The following LSAMP variants were observed in gnomAD, a reference collection of about 807,000 sequenced individuals.
The protein encoded by LSAMP is limbic system associated membrane protein.
In LSAMP, 7 loss-of-function variants were observed where a neutral mutation model predicts 38.6. The ratio of observed to expected loss-of-function variants is 0.18; its 90% CI spans 0.10 to 0.34. The LOEUF (loss-of-function observed/expected upper bound fraction) is 0.34, where lower values mean the gene tolerates loss of function less well. Ranked by LOEUF, LSAMP falls within the 10% of genes least tolerant of loss-of-function variation. LSAMP has a pLI of 1.00. For missense variants in LSAMP, 313 were observed against 420.0 expected (o/e 0.75, Z 2.23); for synonymous variants, 154 against 166.8 (o/e 0.92, Z 0.59).
chr3:115,966,903 G>C (rs1045799716), intron 3 of LSAMP, among the ~76,000 whole-genome samples: 3 of 152,140 alleles, frequency 2.0e-5, no homozygotes, highest in Non-Finnish European at 4.4e-5. Context: ...TTGAAATTCT[G>C]TTTATGCCCC....
chr3:115,963,525 T>C (rs1164896823), intron 3 of LSAMP, among the ~76,000 whole-genome samples: 1 of 152,182 alleles, frequency 6.6e-6, no homozygotes, highest in African/African-American at 2.4e-5. Context: ...ACCCATGTGC[T>C]TGAATGAGGG....
chr3:115,977,624 C>G (rs1267003963), intron 3 of LSAMP, among the ~76,000 whole-genome samples: 1 of 151,970 alleles, frequency 6.6e-6, no homozygotes, highest in African/African-American at 2.4e-5. Flanking sequence ...ATCTAAATGA[C>G]TCCTTCTTAC....
At chr3:116,180,945 T>C (rs1309821103) in intron 1 of LSAMP, among the ~76,000 whole-genome samples, 1 of 152,062 alleles carries the variant, frequency 6.6e-6, no homozygotes, top group African/African-American at 2.4e-5. Context: ...AGAGAGCTGC[T>C]GAAATAACAG....
chr3:116,332,962 C>T (rs2047870088), intron 1 of LSAMP, among the ~76,000 whole-genome samples: 1 of 151,768 alleles, frequency 6.6e-6, no homozygotes, highest in Non-Finnish European at 1.5e-5. Flanking sequence ...AAACATATAA[C>T]TAATATTAAA....
At chr3:116,160,169 G>T (rs772449868) in intron 1 of LSAMP, among the ~76,000 whole-genome samples, 2 of 152,146 alleles carry the variant, frequency 1.3e-5, no homozygotes, top group Non-Finnish European at 2.9e-5. Context: ...GGAGGCCAAG[G>T]CAGGTGGATC....
chr3:116,340,605 T>C (rs1265608147), intron 1 of LSAMP, among the ~76,000 whole-genome samples: 1 of 151,980 alleles, frequency 6.6e-6, no homozygotes, highest in Non-Finnish European at 1.5e-5. Context: ...TAAAATAATC[T>C]CCAGACATGC....
intron 3 of LSAMP, among the ~76,000 whole-genome samples, chr3:115,979,110 G>C (rs1364477354): frequency 4.6e-5 from 7 of 152,050 alleles, no homozygotes; most frequent in African/African-American, 1.7e-4. Flanking sequence ...TCTAAGGGTT[G>C]AAGACGTGGA....
At chr3:115,913,823 C>T (rs1258999907) in intron 3 of LSAMP, among the ~76,000 whole-genome samples, 2 of 152,006 alleles carry the variant, frequency 1.3e-5, no homozygotes, top group Non-Finnish European at 2.9e-5. Context: ...GTCCCAAGTG[C>T]CTACCATGAT....
intron 3 of LSAMP, among the ~76,000 whole-genome samples, chr3:116,001,344 A>T (rs9989995): frequency 0.011 from 1,687 of 152,284 alleles, 32 homozygotes; most frequent in African/African-American, 0.037. Context: ...ATACACCATT[A>T]TGCCAAAAAA....
intron 1 of LSAMP, among the ~76,000 whole-genome samples, chr3:116,236,324 A>G (rs1476077606): frequency 6.6e-6 from 1 of 152,186 alleles, no homozygotes; most frequent in African/African-American, 2.4e-5. Flanking sequence ...AAGATTAGGC[A>G]AATGATTCAT....
At chr3:116,335,971 C>G (rs1212721092) in intron 1 of LSAMP, among the ~76,000 whole-genome samples, 1 of 151,878 alleles carries the variant, frequency 6.6e-6, no homozygotes, top group South Asian at 2.1e-4. Context: ...TGTATATGGT[C>G]AAATAATTTT....
intron 1 of LSAMP, among the ~76,000 whole-genome samples, chr3:116,373,958 C>T (rs1249235595): frequency 2.6e-5 from 4 of 151,878 alleles, no homozygotes; most frequent in African/African-American, 9.7e-5. Flanking sequence ...CTGCAAACCT[C>T]TTAAGAATCC....
In LSAMP at chr3:116,000,478, C is replaced by T. The variant is rs546697939; in HGVS notation, c.514+19037G>A. On this transcript the variant is annotated intron_variant, in intron 3 of 6. Coordinates refer to ENST00000490035, the MANE Select transcript of LSAMP (RefSeq NM_002338.5). ...CCTCCTCAAACGCGGATGGCCACCT[C>T]ACTGTGTGTTTGAGTGATCAACCAA... is the stretch of plus-strand genomic sequence containing the variant. Among the ~76,000 whole-genome samples the T allele has an allele frequency of 3.0e-4, 45 of 152,280 alleles. No homozygotes were observed. In the South Asian group the frequency reaches 9.1e-3, roughly 31 times the overall value.
chr3:116,035,260 G>A (rs1024909250), intron 2 of LSAMP, among the ~76,000 whole-genome samples: 13 of 152,192 alleles, frequency 8.5e-5, no homozygotes, highest in East Asian at 3.9e-4. Flanking sequence ...ATATGCTACT[G>A]CTATTTGTGA....
chr3:115,945,773 G>A (rs1459528125), intron 3 of LSAMP, among the ~76,000 whole-genome samples: 1 of 152,120 alleles, frequency 6.6e-6, no homozygotes, highest in African/African-American at 2.4e-5. Context: ...CTAACAGACT[G>A]TACTGTCACT....
At chr3:116,284,652 T>C (rs2047170568) in intron 1 of LSAMP, among the ~76,000 whole-genome samples, 1 of 152,234 alleles carries the variant, frequency 6.6e-6, no homozygotes, top group Admixed American at 6.5e-5. Flanking sequence ...GATGGAAGGA[T>C]AAACCCTGCA....
chr3:115,836,684 A>C (rs943269654), intron 6 of LSAMP, among the ~76,000 whole-genome samples: 36 of 152,124 alleles, frequency 2.4e-4, no homozygotes, highest in Non-Finnish European at 5.9e-5. Flanking sequence ...GGGAGGCGAG[A>C]TGTATCCACA....
intron 2 of LSAMP, among the ~76,000 whole-genome samples, chr3:116,067,832 T>C (rs943732608): frequency 2.6e-5 from 4 of 152,238 alleles, no homozygotes; most frequent in African/African-American, 9.6e-5. Flanking sequence ...ATTAATGTTA[T>C]ATTTATCTTT....
At chr3:115,811,906 A>T (rs1192377162) in intron 6 of LSAMP, among the ~76,000 whole-genome samples, 1 of 152,214 alleles carries the variant, frequency 6.6e-6, no homozygotes, top group Non-Finnish European at 1.5e-5. Flanking sequence ...GATTGGATGC[A>T]CTGTACAAGT....
Sources: gnomAD v4.1 joint callset for allele counts (sites outside exome capture counted in the v4.1 genomes callset) on GRCh38, gnomAD v4.1.1 for gene constraint, MANE v1.5 for transcripts, NCBI Gene and HGNC (gene_info 2026-07-23, HGNC 2026-07-21) for gene names.